DOCK4: variants seen among roughly 807,000 people sequenced by gnomAD.
The protein encoded by DOCK4 is dedicator of cytokinesis protein 4.
Under a neutral mutation model 268.1 loss-of-function variants are expected in DOCK4, and 97 were observed. The observed-to-expected ratio is 0.36, with a 90% CI of 0.31 to 0.43. The LOEUF (loss-of-function observed/expected upper bound fraction) is 0.43. DOCK4 is among the 20% of genes least tolerant of loss of function. DOCK4 has a pLI of 1.00. For synonymous variants in DOCK4, 954 were observed against 887.2 expected (o/e 1.08, Z -1.34); for missense variants, 2,145 against 2,455.7 (o/e 0.87, Z 2.67).
intron 1 of DOCK4, among the ~76,000 whole-genome samples, chr7:112,025,895 C>A (rs1802743837): frequency 6.6e-6 from 1 of 152,146 alleles, no homozygotes; most frequent in African/African-American, 2.4e-5. Flanking sequence ...ATAAAGCCTT[C>A]CCTGGCTACT....
At chr7:112,084,780 C>T (rs2135731975) in intron 1 of DOCK4, among the ~76,000 whole-genome samples, 1 of 152,238 alleles carries the variant, frequency 6.6e-6, no homozygotes, top group Non-Finnish European at 1.5e-5. Context: ...AGTGACATGA[C>T]TTGTTACCAT....
intron 23 of DOCK4, among the ~76,000 whole-genome samples, chr7:111,849,040 C>T (rs1019264933): frequency 2.6e-5 from 4 of 152,188 alleles, no homozygotes; most frequent in Non-Finnish European, 5.9e-5. Flanking sequence ...TGTAACCGGG[C>T]CCTAGAGCTG....
In DOCK4 at chr7:111,746,592, G is replaced by T. The variant is rs570475157; in HGVS notation, c.4594-175C>A. ...TGGTCAGAATGGGAACATAAGGAAA[G>T]AATTGTTAAAGGAAGATCAGTGATT... On this transcript the variant is annotated intron_variant, in intron 43 of 52. Transcript: ENST00000428084. 2.6e-5 allele frequency among the ~76,000 whole-genome samples: 4 copies of T among 152,244 alleles called. No individual in the cohort carries two copies. In the East Asian group the frequency reaches 7.7e-4, roughly 29 times the overall value.
At position 111,998,512 on chromosome 7, in the gene DOCK4, G is replaced by A. The variant is rs1236731616; in HGVS notation, c.163-9C>T. On this transcript the variant is annotated splice_polypyrimidine_tract_variant and intron_variant, in intron 3 of 52. Coordinates refer to ENST00000428084, the MANE Select transcript of DOCK4 (RefSeq NM_001363540.2). ...CTGGAAGGAAATATACCCTGGAAAA[G>A]AAAACATGAAGGTTACGATGCCGGC... The A allele has an allele frequency of 6.3e-7, 1 of 1,579,114 alleles. No homozygotes were observed.
intron 12 of DOCK4, among the ~76,000 whole-genome samples, chr7:111,927,089 G>A (rs1032570511): frequency 1.3e-5 from 2 of 152,266 alleles, no homozygotes; most frequent in Admixed American, 1.3e-4. Flanking sequence ...ACATCACTGA[G>A]GATAACCCAA....
At chr7:112,009,986 T>TTTG (rs1185620194) in intron 1 of DOCK4, among the ~76,000 whole-genome samples, 4 of 152,176 alleles carry the variant, frequency 2.6e-5, no homozygotes, top group Non-Finnish European at 2.9e-5. Flanking sequence ...CTGGCTAATG[T>TTTG]TTGTATATTT....
rs71524824 is a variant in DOCK4 at position 111,926,438 on chromosome 7, CAG to C, written c.1066+9100_1066+9101del. Among the ~76,000 whole-genome samples the C allele has an allele frequency of 2.5e-3, 153 of 62,180 alleles. 1 individual carries two copies. The highest frequency in any genetic ancestry group is 3.4e-3 in the Admixed American group (19 of 5,602). The allele number at this position is 62,180 out of a possible 152,430, so 40.8% of individuals were successfully genotyped here. On this transcript the variant is annotated intron_variant, in intron 12 of 52. Transcript: ENST00000428084. ...CAGCGAGACAAAGAAAAAAGAAAGA[CAG>C]AGAGAGAGAGAGAGAGAAAGAGAAA...
intron 1 of DOCK4, among the ~76,000 whole-genome samples, chr7:112,166,248 GT>G (rs1415816413): frequency 6.6e-6 from 1 of 152,126 alleles, no homozygotes; most frequent in Admixed American, 6.6e-5. Flanking sequence ...ACTGCCAAGA[GT>G]GTTTTGTACT....
At position 111,877,118 on chromosome 7, in the gene DOCK4, G is replaced by T; in HGVS notation, c.1656C>A (p.Phe552Leu). 1 of 1,592,776 alleles carries T rather than the reference G, an allele frequency of 6.3e-7. No individual in the cohort carries two copies. The change falls in exon 17 of 53, where the codon TTC becomes TTA. Residue 552 changes from phenylalanine to leucine, a missense_variant. Transcript: ENST00000428084. ...TCATGGCTTGATTATTATTCCCAAGGAAAATGCCCTTGGAAAAGGGAAGTT... is the reference window on the plus strand; with the variant it reads ...TCATGGCTTGATTATTATTCCCAAGTAAAATGCCCTTGGAAAAGGGAAGTT... ...YLKLPFSKGI[F>L]LGNNNQAMKA... is the part of the protein sequence containing the mutation.
intron 30 of DOCK4, among the ~76,000 whole-genome samples, chr7:111,790,879 A>G (rs780594905): frequency 3.3e-5 from 5 of 151,450 alleles, no homozygotes; most frequent in Non-Finnish European, 5.9e-5. Flanking sequence ...TAACACGGTG[A>G]AACCCCATCT....
intron 51 of DOCK4, 114 bp from the exon 52 acceptor site, chr7:111,732,401 C>CTT: frequency 9.5e-7 from 1 of 1,054,770 alleles, no homozygotes; most frequent in Non-Finnish European, 1.4e-6. Context: ...TAAGGACCTT[C>CTT]TAAGCAAAGG....
At chr7:111,959,005 T>C (rs1796654308) in intron 8 of DOCK4, among the ~76,000 whole-genome samples, 1 of 152,090 alleles carries the variant, frequency 6.6e-6, no homozygotes, top group African/African-American at 2.4e-5. Flanking sequence ...AAACCGCAAA[T>C]CTGATTAACT....
At chr7:111,750,851 CA>C (rs1389873183) in intron 42 of DOCK4, among the ~76,000 whole-genome samples, 1 of 152,090 alleles carries the variant, frequency 6.6e-6, no homozygotes, top group East Asian at 1.9e-4. Context: ...TGGATTAAAA[CA>C]AAACAAATAT....
chr7:112,026,947 G>A (rs966718725), intron 1 of DOCK4, among the ~76,000 whole-genome samples: 1 of 152,234 alleles, frequency 6.6e-6, no homozygotes, highest in Admixed American at 6.5e-5. Context: ...GTGACTCGAG[G>A]TGGGAGGTCG....
At chr7:111,935,740 G>GTACAT in intron 11 of DOCK4, 112 bp from the exon 12 acceptor site, 2 of 886,294 alleles carry the variant, frequency 2.3e-6, no homozygotes, top group Middle Eastern at 2.6e-4. Context: ...CCTCCTTGAG[G>GTACAT]TCCCCATCAA....
chr7:112,143,789 A>G (rs1815157405), intron 1 of DOCK4, among the ~76,000 whole-genome samples: 1 of 152,280 alleles, frequency 6.6e-6, no homozygotes, highest in South Asian at 2.1e-4. Context: ...GAAGCCTGCC[A>G]GGGCTAACCT....
At chr7:111,805,398 A>G (rs990260848) in intron 30 of DOCK4, among the ~76,000 whole-genome samples, 1 of 152,250 alleles carries the variant, frequency 6.6e-6, no homozygotes, top group Non-Finnish European at 1.5e-5. Flanking sequence ...TTCTTAATGT[A>G]AATAATCATT....
At chr7:112,148,423 A>T (rs2116361259) in intron 1 of DOCK4, among the ~76,000 whole-genome samples, 1 of 152,280 alleles carries the variant, frequency 6.6e-6, no homozygotes, top group South Asian at 2.1e-4. Flanking sequence ...AAATCATGTA[A>T]TTACAATGAA....
At chr7:111,983,139 A>C (rs1325046730) in intron 7 of DOCK4, among the ~76,000 whole-genome samples, 1 of 152,208 alleles carries the variant, frequency 6.6e-6, no homozygotes, top group Non-Finnish European at 1.5e-5. Context: ...ATTGATTCCA[A>C]CTGACACAAT....
Sources: gnomAD v4.1 joint callset for allele counts (sites outside exome capture counted in the v4.1 genomes callset) on GRCh38, gnomAD v4.1.1 for gene constraint, MANE v1.5 for transcripts, NCBI Gene and HGNC (gene_info 2026-07-23, HGNC 2026-07-21) for gene names.